VPS13A: variants seen among roughly 807,000 people sequenced by gnomAD.
VPS13A encodes intermembrane lipid transfer protein VPS13A.
VPS13A carries 264 observed loss-of-function variants against 390.9 expected under a neutral mutation model. The observed-to-expected ratio is 0.68, with a 90% CI of 0.61 to 0.75. VPS13A has a LOEUF of 0.75. Ranked by LOEUF, VPS13A falls within the 30% of genes least tolerant of loss-of-function variation. The pLI is 0.00. For synonymous variants in VPS13A, 1,231 were observed against 1,227.1 expected, an observed-to-expected ratio of 1.00 and a Z score of -0.07; for missense variants, 3,409 against 3,733.9, an observed-to-expected ratio of 0.91 and a Z score of 2.27.
intron 7 of VPS13A, among the ~76,000 whole-genome samples, chr9:77,211,839 A>T (rs1825989960): frequency 6.6e-6 from 1 of 152,144 alleles, no homozygotes. Flanking sequence ...AAAGCCCTCT[A>T]GGTCAGGGTT....
In VPS13A at chr9:77,337,500, G is replaced by A. The variant is rs367713644; in HGVS notation, c.6341G>A (p.Arg2114Gln). Residue 2114 changes from arginine to glutamine, a missense_variant, in exon 47 of 72, where the codon CGA becomes CAA. Physicochemically the swap from Arg to Gln is conservative, Grantham distance 43. This residue lies in a region of VPS13A where 2,717 missense variants were observed against 2,917.4 expected (regional missense o/e 0.93). Coordinates refer to ENST00000360280, the MANE Select transcript of VPS13A (RefSeq NM_033305.3). ...CATTTGTGGCCACCTATCCTGCTCC[G>A]AAATCTTCTTCCTTACAAAATTGCT... is the stretch of plus-strand genomic sequence containing the variant. Reference protein sequence around the residue: ...IMHLWPPILLRNLLPYKIAYY... With the variant: ...IMHLWPPILLQNLLPYKIAYY... 1.4e-5 allele frequency: 22 copies of A among 1,612,722 alleles called. No individual in the cohort carries two copies. The highest frequency in any genetic ancestry group is 1.7e-5 in the Admixed American group (1 of 59,888).
chr9:77,283,438 C>A lies in VPS13A; in HGVS notation c.3202C>A (p.Gln1068Lys). The A allele has an allele frequency of 1.9e-6, 3 of 1,606,102 alleles. No homozygotes were observed. The highest frequency in any genetic ancestry group is 2.2e-5 in the South Asian group (2 of 90,722). The change falls in exon 30 of 72, where the codon CAG (glutamine) becomes AAG (lysine). Residue 1068 changes from glutamine (Q) to lysine (K), a missense_variant. Physicochemically the swap from Gln to Lys is moderately conservative, Grantham distance 53 (BLOSUM62 1). Around this residue, in one of 5 missense-constraint regions of VPS13A, gnomAD observed 2,717 missense variants for 2,917.4 expected, o/e 0.93. Coordinates refer to ENST00000360280, the MANE Select transcript of VPS13A (RefSeq NM_033305.3). The stretch of plus-strand genomic sequence containing the variant: ...GTGTTTACAGATCTTTATTCAAGAT[C>A]AGAAATGTAACATTTCTGAAATTAA... ...LSCLQIFIQD[Q>K]KCNISEIKIE...
At chr9:77,321,865 TA>T (rs951765392) in intron 44 of VPS13A, 119 bp downstream of exon 44, 1 of 1,212,056 alleles carries the variant, frequency 8.3e-7, no homozygotes, top group Non-Finnish European at 1.2e-6. Context: ...TTTGTTTTTT[TA>T]AAATATCCTT....
chr9:77,273,844 A>G (rs1729746321), intron 24 of VPS13A, among the ~76,000 whole-genome samples: 1 of 152,092 alleles, frequency 6.6e-6, no homozygotes, highest in Non-Finnish European at 1.5e-5. Context: ...TACAAGGTAG[A>G]TTTCTCTTAT....
At chr9:77,359,539 A>G (rs1394430808) in intron 58 of VPS13A, 137 bp downstream of exon 58, 15 of 892,320 alleles carry the variant, frequency 1.7e-5, no homozygotes, top group South Asian at 3.4e-5. Flanking sequence ...ATAAAAAAAT[A>G]TAATGTTGTG....
rs1835198254 is a variant in VPS13A, at chr9:77,417,283, A to C, written c.*1277A>C. 6.6e-6 allele frequency: 1 copy of C among 152,318 alleles called. No homozygotes were observed. Among genetic ancestry groups the C allele is most frequent in the Non-Finnish European group, 1.5e-5 (1 of 68,028 alleles). The allele number at this position is 152,318 out of a possible 1,614,324, so 9.4% of individuals were successfully genotyped here. On this transcript the variant is annotated 3_prime_UTR_variant, in exon 72 of 72. Coordinates refer to ENST00000360280, the MANE Select transcript of VPS13A (RefSeq NM_033305.3). ...GTTTTTGGAATTGAAGACTCTGTAT[A>C]GTCAATAGTTGTGAAATTCTTCTCA...
Position 77,371,022 on chromosome 9 carries a change from C to T in VPS13A, c.8954-4C>T. The T allele has an allele frequency of 1.2e-6, 2 of 1,613,916 alleles. No individual in the cohort carries two copies. Among genetic ancestry groups the T allele is most frequent in the Non-Finnish European group, 1.7e-6 (2 of 1,179,946 alleles). ...AATTGTCAAAAACTCTTTTTTCTTT[C>T]CAGGAGCTCAAAAAGGAGGAGCAGC... On this transcript the variant is annotated splice_polypyrimidine_tract_variant and splice_region_variant and intron_variant, in intron 66 of 71. Transcript: ENST00000360280.
At chr9:77,321,439 G>T in intron 43 of VPS13A, 52 bp from the exon 44 acceptor site, 1 of 1,604,768 alleles carries the variant, frequency 6.2e-7, no homozygotes, top group East Asian at 2.2e-5. Flanking sequence ...TGTTCTCCTT[G>T]TCATTTAATT....
intron 52 of VPS13A, among the ~76,000 whole-genome samples, chr9:77,348,498 A>G (rs928822937): frequency 6.6e-6 from 1 of 152,170 alleles, no homozygotes; most frequent in Non-Finnish European, 1.5e-5. Flanking sequence ...CAGGATAAAT[A>G]GCTAATGCAT....
intron 70 of VPS13A, 114 bp downstream of exon 70, chr9:77,406,101 T>A: frequency 6.9e-7 from 1 of 1,443,004 alleles, no homozygotes; most frequent in Non-Finnish European, 9.5e-7. Flanking sequence ...TTTGTCCTGG[T>A]GTGGTTTTCC....
chr9:77,247,693 C>T (rs900759264), intron 20 of VPS13A, among the ~76,000 whole-genome samples: 1 of 152,174 alleles, frequency 6.6e-6, no homozygotes, highest in Non-Finnish European at 1.5e-5. Flanking sequence ...CAGAGTCTCA[C>T]TCTGTCGCCC....
intron 45 of VPS13A, among the ~76,000 whole-genome samples, chr9:77,329,615 A>T (rs1335879003): frequency 6.6e-6 from 1 of 152,230 alleles, no homozygotes; most frequent in East Asian, 1.9e-4. Flanking sequence ...AAAGATTGAA[A>T]TATTGTGAGA....
chr9:77,344,944 A>G lies in VPS13A; in HGVS notation c.7156-65A>G, dbSNP rs988767491. ...CAAGTTATGAATAGTCTGTTCTTAA[A>G]TGTTATTAGTTAATATTCTTGGGAA... On this transcript the variant is annotated intron_variant, in intron 51 of 71. Coordinates refer to ENST00000360280, the MANE Select transcript of VPS13A (RefSeq NM_033305.3). 3.2e-6 allele frequency: 5 copies of G among 1,545,528 alleles called. No individual in the cohort carries two copies. In the African/African-American group the frequency reaches 6.8e-5, roughly 21 times the overall value.
intron 71 of VPS13A, among the ~76,000 whole-genome samples, chr9:77,413,155 A>T (rs1343637864): frequency 6.6e-6 from 1 of 152,232 alleles, no homozygotes; most frequent in Non-Finnish European, 1.5e-5. Flanking sequence ...AATATCATGA[A>T]AATGCCCATA....
chr9:77,344,880 T>G, intron 51 of VPS13A, 129 bp from the exon 52 acceptor site: 2 of 978,066 alleles, frequency 2.0e-6, no homozygotes, highest in Non-Finnish European at 3.1e-6. Context: ...AGTACAAAAT[T>G]CTGAATTGTT....
At position 77,317,657 on chromosome 9, in the gene VPS13A, C is replaced by G. The variant is rs377532527; in HGVS notation, c.4915C>G (p.Pro1639Ala). 4 of 1,601,918 alleles carry G rather than the reference C, an allele frequency of 2.5e-6. No homozygotes were observed. Among genetic ancestry groups the G allele is most frequent in the Non-Finnish European group, 3.4e-6 (4 of 1,173,672 alleles). The change falls in exon 40 of 72, where the codon CCA (proline) becomes GCA (alanine). Residue 1639 changes from proline (P) to alanine (A), a missense_variant. By Grantham distance (27) the Pro-to-Ala change is conservative (BLOSUM62 -1). Transcript: ENST00000360280. ...TCAAACTACTCAGAAAGGTACAGAT[C>G]CACAAGTGATCGATATGTCAGTAAA... ...FYQTTQKGTD[P>A]QVIDMSVKSL...
chr9:77,293,296 T>A (rs1041182708), intron 31 of VPS13A, 45 bp from the exon 32 acceptor site: 3 of 1,514,126 alleles, frequency 2.0e-6, no homozygotes, highest in Non-Finnish European at 1.8e-6. Context: ...TGAAAATACA[T>A]CATTTCAAAA....
chr9:77,311,265 C>T (rs1387028040), intron 35 of VPS13A, among the ~76,000 whole-genome samples: 1 of 152,076 alleles, frequency 6.6e-6, no homozygotes, highest in African/African-American at 2.4e-5. Context: ...TTGTTACTGC[C>T]CACACTCTGC....
In VPS13A at chr9:77,206,822, C is replaced by G. The variant is rs140710308; in HGVS notation, c.385+743C>G. 4.3e-3 allele frequency among the ~76,000 whole-genome samples: 647 copies of G among 152,196 alleles called. 7 individuals carry two copies. The highest frequency in any genetic ancestry group is 4.4e-3 in the South Asian group (21 of 4,824). On this transcript the variant is annotated intron_variant, in intron 5 of 71. Transcript: ENST00000360280. ...AAACATCTTAAAATTAAAAAGTTTA[C>G]TGACTTCACTGTCTCTGAAATGCAT...
Sources: gnomAD v4.1 joint callset for allele counts (sites outside exome capture counted in the v4.1 genomes callset) on GRCh38, gnomAD v4.1.1 for gene constraint, gnomAD v4.1.1 regional missense constraint, MANE v1.5 for transcripts, NCBI Gene and HGNC (gene_info 2026-07-23, HGNC 2026-07-21) for gene names.